The following SLC25A25 variants were observed in gnomAD, a reference collection of about 807,000 sequenced individuals.
SLC25A25 encodes the protein mitochondrial adenyl nucleotide antiporter SLC25A25.
Under a neutral mutation model 57.7 loss-of-function variants are expected in SLC25A25, and 32 were observed. That is an observed-to-expected ratio of 0.55 (90% CI 0.42 to 0.74). The LOEUF is 0.74. Ranked by LOEUF, SLC25A25 falls within the 30% of genes least tolerant of loss-of-function variation. The probability of loss-of-function intolerance (pLI) is 0.00; values close to 1 mark genes in which losing one functional copy is unlikely to be tolerated. For synonymous variants in SLC25A25, 306 were observed against 291.2 expected, an observed-to-expected ratio of 1.05 and a Z score of -0.52; for missense variants, 556 against 701.3, an observed-to-expected ratio of 0.79 and a Z score of 2.34.
intron 1 of SLC25A25, among the ~76,000 whole-genome samples, chr9:128,081,197 C>T (rs552060510): frequency 2.6e-5 from 4 of 152,274 alleles, no homozygotes; most frequent in East Asian, 1.9e-4. Context: ...AGCTGTGCTG[C>T]GTGTAAGGCA....
intron 1 of SLC25A25, among the ~76,000 whole-genome samples, chr9:128,068,952 C>T (rs1564174898): frequency 6.6e-6 from 1 of 152,200 alleles, no homozygotes; most frequent in African/African-American, 2.4e-5. Context: ...CAGTCCCCAG[C>T]AGCACCCCCT....
chr9:128,072,267 C>T (rs1226620636), intron 1 of SLC25A25, among the ~76,000 whole-genome samples: 2 of 152,176 alleles, frequency 1.3e-5, no homozygotes, highest in Non-Finnish European at 2.9e-5. Context: ...ACAGAAAAAG[C>T]AGTGCTGAGG....
chr9:128,089,726 A>G (rs779553352), intron 1 of SLC25A25, among the ~76,000 whole-genome samples: 10 of 149,202 alleles, frequency 6.7e-5, no homozygotes, highest in Non-Finnish European at 1.0e-4. Context: ...TTGACCACCC[A>G]TGCTCAAGTG....
At chr9:128,080,821 G>C (rs1588754650) in intron 1 of SLC25A25, among the ~76,000 whole-genome samples, 1 of 152,222 alleles carries the variant, frequency 6.6e-6, no homozygotes, top group African/African-American at 2.4e-5. Flanking sequence ...GTTAGAACTG[G>C]AGCGTTTTCA....
chr9:128,083,539 T>G (rs1462654512), intron 1 of SLC25A25, among the ~76,000 whole-genome samples: 1 of 125,234 alleles, frequency 8.0e-6, no homozygotes, highest in East Asian at 2.5e-4. Flanking sequence ...AGATGAAGTC[T>G]TGCTCTGTCG....
intron 1 of SLC25A25, among the ~76,000 whole-genome samples, chr9:128,075,533 A>C (rs1396098107): frequency 6.6e-6 from 1 of 151,966 alleles, no homozygotes; most frequent in Non-Finnish European, 1.5e-5. Flanking sequence ...TTTATAAAAT[A>C]AAAAAAAGAA....
intron 1 of SLC25A25, among the ~76,000 whole-genome samples, chr9:128,097,377 C>G (rs976004296): frequency 5.3e-5 from 8 of 152,238 alleles, no homozygotes; most frequent in Admixed American, 3.9e-4. Flanking sequence ...TGCCCAGTGA[C>G]TATGCGTGGC....
chr9:128,103,761 C>A lies in SLC25A25; in HGVS notation c.705C>A (p.His235Gln). 1.2e-6 allele frequency: 2 copies of A among 1,614,072 alleles called. No homozygotes were observed. The highest frequency in any genetic ancestry group is 2.7e-5 in the African/African-American group (2 of 75,032). ...GGCAGACGGGGATGTGGTGGAGACA[C>A]CTGGTGGCAGGAGGTGGGGCAGGGG... ...EERQTGMWWR[H>Q]LVAGGGAGAV... Residue 235 changes from histidine to glutamine, a missense_variant, in exon 6 of 11, where the codon CAC (histidine) becomes CAA (glutamine). Coordinates refer to ENST00000373069, the MANE Select transcript of SLC25A25 (RefSeq NM_001330988.2). The surrounding 1 kb of genome is among the most constrained non-coding windows in gnomAD (Gnocchi z 6.7).
chr9:128,090,230 G>T (rs1833368925), intron 1 of SLC25A25, among the ~76,000 whole-genome samples: 1 of 150,976 alleles, frequency 6.6e-6, no homozygotes, highest in Non-Finnish European at 1.5e-5. Flanking sequence ...TTTTGTTTTT[G>T]AGATGAAATT....
At chr9:128,106,325 C>CA in intron 8 of SLC25A25, 28 bp from the exon 9 acceptor site, 1 of 1,613,732 alleles carries the variant, frequency 6.2e-7, no homozygotes, top group Middle Eastern at 1.7e-4. Context: ...AGGCTGTGCT[C>CA]ACGCGTCCCG....
chr9:128,082,704 G>C (rs1833180395), intron 1 of SLC25A25, among the ~76,000 whole-genome samples: 1 of 152,114 alleles, frequency 6.6e-6, no homozygotes, highest in African/African-American at 2.4e-5. Flanking sequence ...AGAGTGCAGT[G>C]GCGCAATCTT....
chr9:128,092,840 C>G (rs963596628), intron 1 of SLC25A25, among the ~76,000 whole-genome samples: 1 of 152,116 alleles, frequency 6.6e-6, no homozygotes, highest in Non-Finnish European at 1.5e-5. Flanking sequence ...GAGATTTCAC[C>G]CCCAAATCCT....
rs778801040 is a variant in SLC25A25, at chr9:128,068,521, A to G, written c.202A>G (p.Asn68Asp). 2.0e-6 allele frequency: 3 copies of G among 1,499,918 alleles called. No individual in the cohort carries two copies. The South Asian group carries it at 3.8e-5, about 19-fold the overall frequency. The allele number at this position is 1,499,918 out of a possible 1,614,324, so 92.9% of individuals were successfully genotyped here. ...CAACCGGGACGGCGGCCTGTGTGTC[A>G]ACGACCTGGCGGTGGGGCTGCGGCG... ...DVNRDGGLCV[N>D]DLAVGLRRLG... Residue 68 changes from asparagine to aspartate, a missense_variant, in exon 1 of 11, where the codon AAC (asparagine) becomes GAC (aspartate). Asn to Asp is a conservative substitution (Grantham distance 23). This residue lies in a region of SLC25A25 where 248 missense variants were observed against 273.5 expected (regional missense o/e 0.91). Coordinates refer to ENST00000373069, the MANE Select transcript of SLC25A25 (RefSeq NM_001330988.2).
At chr9:128,082,344 C>T (rs562993434) in intron 1 of SLC25A25, among the ~76,000 whole-genome samples, 1 of 152,170 alleles carries the variant, frequency 6.6e-6, no homozygotes, top group Admixed American at 6.5e-5. Flanking sequence ...AGTTGTGGCT[C>T]CTCTTCATTG....
At chr9:128,079,726 C>T (rs1015590982) in intron 1 of SLC25A25, among the ~76,000 whole-genome samples, 43 of 150,290 alleles carry the variant, frequency 2.9e-4, no homozygotes, top group Non-Finnish European at 5.0e-4. Flanking sequence ...GGCGCGGTGG[C>T]TCACGCCTGT....
intron 1 of SLC25A25, among the ~76,000 whole-genome samples, chr9:128,093,597 G>A (rs1302781786): frequency 6.6e-6 from 1 of 152,232 alleles, no homozygotes; most frequent in Non-Finnish European, 1.5e-5. Flanking sequence ...CAGTTCAGCT[G>A]GCTGCAAACT....
chr9:128,092,674 TG>T (rs1588768715), intron 1 of SLC25A25, among the ~76,000 whole-genome samples: 1 of 152,150 alleles, frequency 6.6e-6, no homozygotes, highest in East Asian at 1.9e-4. Context: ...CTGCCAACTG[TG>T]GGGTCTTTCA....
chr9:128,099,274 G>A lies in SLC25A25; in HGVS notation c.262-1822G>A, dbSNP rs1383102748. ...TTAATCAGTTTCCCTGCTACCCCCA[G>A]TGCCCACTGTGCACCAAGGGGGATT... On this transcript the variant is annotated intron_variant, in intron 1 of 10. Transcript: ENST00000373069. The surrounding 1 kb of genome is among the most constrained non-coding windows in gnomAD (Gnocchi z 6.8). The A allele has an allele frequency of 7.8e-7, 1 of 1,288,728 alleles. No homozygotes were observed. The highest frequency in any genetic ancestry group is 1.0e-6 in the Non-Finnish European group (1 of 988,442). 79.8% of individuals were successfully genotyped at this position (1,288,728 alleles called of 1,614,324 possible). A position where few individuals can be genotyped will look rare whatever the true frequency, so the allele number is the denominator to read the frequency against.
chr9:128,098,735 G>T (rs1833654601), intron 1 of SLC25A25: 1 of 1,613,242 alleles, frequency 6.2e-7, no homozygotes, highest in Non-Finnish European at 8.5e-7. Context: ...GGTCTGTGGG[G>T]TGACCGCGCG....
Sources: allele counts gnomAD v4.1 joint callset (sites outside exome capture counted in the v4.1 genomes callset), GRCh38; gene constraint gnomAD v4.1.1; regional missense constraint gnomAD v4.1.1; non-coding constraint Gnocchi (gnomAD v3.1); transcripts MANE v1.5; gene names NCBI Gene and HGNC (gene_info 2026-07-23, HGNC 2026-07-21).